The following GAB1 variants were observed in gnomAD, a reference collection of about 807,000 sequenced individuals.
GAB1 encodes GRB2 associated binding protein 1.
In GAB1, 19 loss-of-function variants were observed where a neutral mutation model predicts 66.5. The observed-to-expected ratio is 0.29, with a 90% CI of 0.20 to 0.42. The LOEUF (loss-of-function observed/expected upper bound fraction) is 0.42, where lower values mean the gene tolerates loss of function less well. GAB1 is among the 10% of genes least tolerant of loss of function. The probability of loss-of-function intolerance (pLI) is 1.00; values close to 1 mark genes in which losing one functional copy is unlikely to be tolerated. For synonymous variants in GAB1, 294 were observed against 301.4 expected, an observed-to-expected ratio of 0.98 and a Z score of 0.25; for missense variants, 732 against 858.5, an observed-to-expected ratio of 0.85 and a Z score of 1.84.
At chr4:143,466,597 C>T (rs1474051861) in intron 9 of GAB1, among the ~76,000 whole-genome samples, 1 of 141,258 alleles carries the variant, frequency 7.1e-6, no homozygotes, top group Non-Finnish European at 1.5e-5. Context: ...CCAAATGATT[C>T]TCCTGCCTCA....
At chr4:143,366,597 C>T (rs571245604) in intron 1 of GAB1, among the ~76,000 whole-genome samples, 2 of 152,212 alleles carry the variant, frequency 1.3e-5, no homozygotes, top group East Asian at 3.9e-4. Flanking sequence ...TCAGTAAACA[C>T]TGTTATTGTT....
chr4:143,409,395 C>G (rs891734012), intron 1 of GAB1, among the ~76,000 whole-genome samples: 3 of 149,790 alleles, frequency 2.0e-5, no homozygotes, highest in Non-Finnish European at 4.4e-5. Context: ...TTCCCCCCCC[C>G]CGCTCTGAAA....
chr4:143,377,602 A>T (rs373086630), intron 1 of GAB1, among the ~76,000 whole-genome samples: 1 of 152,192 alleles, frequency 6.6e-6, no homozygotes, highest in African/African-American at 2.4e-5. Flanking sequence ...ATGCTAATTT[A>T]TCTAAAAAAT....
Position 143,438,289 on chromosome 4 carries a change from G to T in GAB1, c.884G>T (p.Ser295Ile), listed in dbSNP as rs900334411. Residue 295 changes from serine (S) to isoleucine (I), a missense_variant, in exon 4 of 10, where the codon AGT (serine) becomes ATT (isoleucine). Around this residue, in one of 4 missense-constraint regions of GAB1, gnomAD observed 427 missense variants for 420.6 expected, o/e 1.02. Transcript: ENST00000262994. Reference protein sequence around the residue: ...YVFNTPSGTSSVETQMRHVSI... With the variant: ...YVFNTPSGTSIVETQMRHVSI... ...TTTAATACCCCATCTGGGACATCGAGTGTAGAGACTCAAATGAGGCATGTA... is the reference window on the plus strand; with the variant it reads ...TTTAATACCCCATCTGGGACATCGATTGTAGAGACTCAAATGAGGCATGTA... The T allele has an allele frequency of 6.2e-7, 1 of 1,613,894 alleles. No homozygotes were observed. Among genetic ancestry groups the T allele is most frequent in the Non-Finnish European group, 8.5e-7 (1 of 1,179,900 alleles).
At chr4:143,355,214 G>T (rs1729395263) in intron 1 of GAB1, among the ~76,000 whole-genome samples, 1 of 152,144 alleles carries the variant, frequency 6.6e-6, no homozygotes, top group South Asian at 2.1e-4. Flanking sequence ...AGGCCAGCTG[G>T]TTTCAGCATG....
At chr4:143,461,062 G>GTATAAAGCTATACTACCATAA (rs1578753784) in intron 8 of GAB1, among the ~76,000 whole-genome samples, 4 of 152,288 alleles carry the variant, frequency 2.6e-5, no homozygotes, top group East Asian at 3.9e-4. Flanking sequence ...CATAAAGCAT[G>GTATAAAGCTATACTACCATAA]AGAATTTTCT....
intron 1 of GAB1, among the ~76,000 whole-genome samples, chr4:143,373,143 C>T (rs1300658715): frequency 5.3e-5 from 8 of 152,004 alleles, no homozygotes; most frequent in Non-Finnish European, 8.8e-5. Flanking sequence ...CACTTCTGTT[C>T]GTACAATTTA....
chr4:143,446,962 A>G (rs1010094939), intron 6 of GAB1, among the ~76,000 whole-genome samples: 3 of 151,772 alleles, frequency 2.0e-5, no homozygotes, highest in African/African-American at 7.3e-5. Flanking sequence ...ATCTTGAATT[A>G]ATTTTTGTAT....
chr4:143,338,269 C>T (rs1420493983), intron 1 of GAB1, among the ~76,000 whole-genome samples: 1 of 152,140 alleles, frequency 6.6e-6, no homozygotes, highest in East Asian at 1.9e-4. Flanking sequence ...ACATCTGGAT[C>T]AAATATTTTT....
intron 1 of GAB1, among the ~76,000 whole-genome samples, chr4:143,377,594 G>A (rs1371313975): frequency 6.6e-6 from 1 of 151,968 alleles, no homozygotes; most frequent in Non-Finnish European, 1.5e-5. Flanking sequence ...ATGATATTAT[G>A]CTAATTTATC....
At position 143,360,397 on chromosome 4, in the gene GAB1, G is replaced by T. The variant is rs542497780; in HGVS notation, c.72+23137G>T. On this transcript the variant is annotated intron_variant, in intron 1 of 9. Coordinates refer to ENST00000262994, the MANE Select transcript of GAB1 (RefSeq NM_002039.4). The stretch of plus-strand genomic sequence containing the variant: ...TCTAAGTTTTGTTTTTTGAACTAAA[G>T]GTTAAAAAACCTGCATTCATGGAAT... Among the ~76,000 whole-genome samples the T allele has an allele frequency of 2.3e-3, 354 of 152,128 alleles. 1 individual carries two copies. Among genetic ancestry groups the T allele is most frequent in the African/African-American group, 8.1e-3 (337 of 41,498 alleles).
chr4:143,428,193 T>C (rs970113717), intron 2 of GAB1, among the ~76,000 whole-genome samples: 1 of 152,250 alleles, frequency 6.6e-6, no homozygotes, highest in Admixed American at 6.5e-5. Context: ...CTGTGCCTTT[T>C]AACTTCCATT....
rs767639491 is a variant in GAB1, at chr4:143,337,294, T to A, written c.72+34T>A. ...AGCTGCGGGCACCACTCCGCGGGCC[T>A]CGGCGTCCACACCCCTCCCCAGTCG... On this transcript the variant is annotated intron_variant, in intron 1 of 9. Transcript: ENST00000262994. 35 of 1,545,526 alleles carry A rather than the reference T, an allele frequency of 2.3e-5. No individual in the cohort carries two copies. The South Asian group carries it at 3.9e-4, about 17-fold the overall frequency.
chr4:143,387,679 A>C (rs1206009955), intron 1 of GAB1, among the ~76,000 whole-genome samples: 1 of 152,106 alleles, frequency 6.6e-6, no homozygotes, highest in Admixed American at 6.5e-5. Context: ...TTGACTTCTT[A>C]CGGGTCTCCC....
intron 1 of GAB1, among the ~76,000 whole-genome samples, chr4:143,381,599 C>G (rs911114105): frequency 6.6e-6 from 1 of 152,138 alleles, no homozygotes; most frequent in Non-Finnish European, 1.5e-5. Flanking sequence ...GATCAAGTAC[C>G]TTAATTGATA....
At chr4:143,379,341 G>A (rs1283626553) in intron 1 of GAB1, among the ~76,000 whole-genome samples, 1 of 152,112 alleles carries the variant, frequency 6.6e-6, no homozygotes, top group Non-Finnish European at 1.5e-5. Flanking sequence ...TCTTAAGCCG[G>A]ATAGGTTAAC....
At chr4:143,387,504 G>A (rs1250976456) in intron 1 of GAB1, among the ~76,000 whole-genome samples, 2 of 152,298 alleles carry the variant, frequency 1.3e-5, no homozygotes, top group East Asian at 3.9e-4. Context: ...TGGAGGTAAA[G>A]GGATGAAGGC....
At position 143,470,611 on chromosome 4, in the gene GAB1, G is replaced by A. The variant is rs2149804431; in HGVS notation, c.*1422G>A. 1 of 152,314 alleles carries A rather than the reference G, an allele frequency of 6.6e-6. No homozygotes were observed. The highest frequency in any genetic ancestry group is 2.4e-5 in the African/African-American group (1 of 41,572). The allele number at this position is 152,314 out of a possible 1,614,324, so 9.4% of individuals were successfully genotyped here. ...TTGGCTTTGCAACATAATTTAGAAA[G>A]CACGTATAGTTGTTTTTTAACCAAG... On this transcript the variant is annotated 3_prime_UTR_variant, in exon 10 of 10. Transcript: ENST00000262994.
intron 1 of GAB1, among the ~76,000 whole-genome samples, chr4:143,379,166 A>G (rs555319679): frequency 6.6e-6 from 1 of 152,364 alleles, no homozygotes; most frequent in African/African-American, 2.4e-5. Flanking sequence ...AGAGTTATGC[A>G]TATAATTCAG....
Sources: allele counts gnomAD v4.1 joint callset (sites outside exome capture counted in the v4.1 genomes callset), GRCh38; gene constraint gnomAD v4.1.1; regional missense constraint gnomAD v4.1.1; transcripts MANE v1.5; gene names NCBI Gene and HGNC (gene_info 2026-07-23, HGNC 2026-07-21).